Variants in ZBTB20 observed in about 807,000 individuals in gnomAD.
ZBTB20 encodes the protein zinc finger and BTB domain-containing protein 20.
A neutral mutation model predicts 56.9 loss-of-function variants in ZBTB20; 9 were observed. The ratio of observed to expected loss-of-function variants is 0.16; its 90% confidence interval spans 0.10 to 0.28. The LOEUF (loss-of-function observed/expected upper bound fraction) is 0.28. Among genes scored for constraint, ZBTB20 ranks in the 10% least tolerant of loss-of-function variants. The pLI is 1.00. For missense variants in ZBTB20, 655 were observed against 1,003.0 expected (o/e 0.65, Z 4.69); for synonymous variants, 417 against 420.7 (o/e 0.99, Z 0.11).
In ZBTB20 at chr3:114,653,187, A is replaced by T. The variant is rs938343650; in HGVS notation, c.-295+40341T>A. ...TAGAACAACGCTGAACAGAAGTAGT[A>T]AGAATATATATCTTTGCCTTCTACT... On this transcript the variant is annotated intron_variant, in intron 6 of 11. Coordinates refer to ENST00000675478, the MANE Select transcript of ZBTB20 (RefSeq NM_001348800.3). Among the ~76,000 whole-genome samples the T allele has an allele frequency of 2.0e-5, 3 of 151,994 alleles. No homozygotes were observed. The East Asian group carries it at 5.8e-4, about 29-fold the overall frequency.
intron 1 of ZBTB20, among the ~76,000 whole-genome samples, chr3:115,131,924 A>G (rs2084517644): frequency 1.3e-5 from 2 of 152,288 alleles, no homozygotes; most frequent in African/African-American, 4.8e-5. Flanking sequence ...TGCCTAGGCC[A>G]TGACCATGTT....
chr3:114,331,632 T>G lies in ZBTB20; in HGVS notation c.*7373A>C, dbSNP rs1390402777. 6.6e-6 allele frequency: 1 copy of G among 152,216 alleles called. No individual in the cohort carries two copies. Among genetic ancestry groups the G allele is most frequent in the South Asian group, 2.1e-4 (1 of 4,834 alleles). 9.4% of individuals were successfully genotyped at this position (152,216 alleles called of 1,614,324 possible). A position where few individuals can be genotyped will look rare whatever the true frequency, so the allele number is the denominator to read the frequency against. On this transcript the variant is annotated 3_prime_UTR_variant, in exon 12 of 12. Transcript: ENST00000675478. ...CAATAGAACTGTAGAGTTTGTTAAATGCACTCTACTCCACATAAGCATATT... is the reference window on the plus strand; with the variant it reads ...CAATAGAACTGTAGAGTTTGTTAAAGGCACTCTACTCCACATAAGCATATT...
At chr3:114,574,571 T>C (rs188609337) in intron 6 of ZBTB20, among the ~76,000 whole-genome samples, 74 of 152,332 alleles carry the variant, frequency 4.9e-4, no homozygotes, top group Non-Finnish European at 7.6e-4. Context: ...CCATTCTATT[T>C]GACTGAACAT....
chr3:114,734,185 AT>A (rs1220080893), intron 5 of ZBTB20, among the ~76,000 whole-genome samples: 22 of 151,772 alleles, frequency 1.4e-4, no homozygotes, highest in Non-Finnish European at 2.1e-4. Context: ...AAATAAAAAA[AT>A]AAATACATAT....
At chr3:114,893,029 C>T (rs1309579520) in intron 4 of ZBTB20, among the ~76,000 whole-genome samples, 1 of 152,222 alleles carries the variant, frequency 6.6e-6, no homozygotes, top group Non-Finnish European at 1.5e-5. Flanking sequence ...GAGAACATTT[C>T]CCAAATCATT....
intron 3 of ZBTB20, among the ~76,000 whole-genome samples, chr3:114,925,300 TTTC>T (rs1462597152): frequency 2.0e-5 from 3 of 151,662 alleles, no homozygotes; most frequent in Admixed American, 6.6e-5. Context: ...CTTTTAATAA[TTTC>T]TTATTTCTCT....
In ZBTB20 at chr3:114,325,954, G is replaced by A. The variant is rs1250409417; in HGVS notation, c.*13051C>T. On this transcript the variant is annotated 3_prime_UTR_variant, in exon 12 of 12. Transcript: ENST00000675478. ...ATGGGTGAAGTACTGGCAATGCAGT[G>A]CCAATCTCCCTCTGTTACTGTTCCC... 6.6e-6 allele frequency: 1 copy of A among 152,052 alleles called. No individual in the cohort carries two copies. Among genetic ancestry groups the A allele is most frequent in the East Asian group, 1.9e-4 (1 of 5,186 alleles). The allele number at this position is 152,052 out of a possible 1,614,324, so 9.4% of individuals were successfully genotyped here. A position where few individuals can be genotyped will look rare whatever the true frequency, so the allele number is the denominator to read the frequency against.
At chr3:115,107,066 T>C (rs1372210692) in intron 1 of ZBTB20, among the ~76,000 whole-genome samples, 2 of 152,220 alleles carry the variant, frequency 1.3e-5, no homozygotes, top group African/African-American at 4.8e-5. Context: ...CTTAAGATCT[T>C]GTGACAAACA....
intron 3 of ZBTB20, among the ~76,000 whole-genome samples, chr3:114,932,185 T>G (rs1358290978): frequency 6.6e-6 from 1 of 152,212 alleles, no homozygotes; most frequent in East Asian, 1.9e-4. Flanking sequence ...CACCTCCTCT[T>G]CAGATGTAGG....
intron 2 of ZBTB20, among the ~76,000 whole-genome samples, chr3:115,055,414 G>A (rs757164318): frequency 6.6e-6 from 1 of 152,014 alleles, no homozygotes; most frequent in Non-Finnish European, 1.5e-5. Context: ...ACCTACAAGA[G>A]GCTCTGAACT....
chr3:114,458,740 T>TA (rs1052531343), intron 7 of ZBTB20, among the ~76,000 whole-genome samples: 2 of 151,770 alleles, frequency 1.3e-5, no homozygotes, highest in African/African-American at 2.4e-5. Flanking sequence ...TTTTTTTTTT[T>TA]ATCTCCAAAC....
Position 114,590,841 on chromosome 3 carries a change from A to C in ZBTB20, c.-294-90450T>G, listed in dbSNP as rs1392258562. On this transcript the variant is annotated intron_variant, in intron 6 of 11. Coordinates refer to ENST00000675478, the MANE Select transcript of ZBTB20 (RefSeq NM_001348800.3). The stretch of plus-strand genomic sequence containing the variant: ...CTTCCCTTCTCGCTGACACATGCAG[A>C]CCATTCCAGAAAGATATGACTCTAT... 2.6e-5 allele frequency among the ~76,000 whole-genome samples: 4 copies of C among 152,202 alleles called. No individual in the cohort carries two copies. In the East Asian group the frequency reaches 7.7e-4, roughly 29 times the overall value.
At chr3:114,956,800 T>C (rs1445347447) in intron 3 of ZBTB20, among the ~76,000 whole-genome samples, 1 of 152,196 alleles carries the variant, frequency 6.6e-6, no homozygotes, top group Non-Finnish European at 1.5e-5. Flanking sequence ...TACCAAATCA[T>C]TATCGAACAG....
intron 7 of ZBTB20, among the ~76,000 whole-genome samples, chr3:114,450,122 T>G (rs2091512458): frequency 6.6e-6 from 1 of 152,172 alleles, no homozygotes; most frequent in African/African-American, 2.4e-5. Flanking sequence ...CTTTTTCCCT[T>G]CTGGAAAACT....
At chr3:114,581,422 G>C (rs892384431) in intron 6 of ZBTB20, among the ~76,000 whole-genome samples, 11 of 151,974 alleles carry the variant, frequency 7.2e-5, no homozygotes, top group African/African-American at 2.2e-4. Flanking sequence ...GCCTAGTTGA[G>C]TTAATATTAA....
chr3:114,936,268 G>T (rs575408812), intron 3 of ZBTB20, among the ~76,000 whole-genome samples: 2 of 152,056 alleles, frequency 1.3e-5, no homozygotes, highest in East Asian at 3.9e-4. Context: ...ATGCACACAT[G>T]CATGCACGCA....
intron 3 of ZBTB20, among the ~76,000 whole-genome samples, chr3:114,912,963 T>C (rs1171717838): frequency 6.6e-6 from 1 of 152,062 alleles, no homozygotes; most frequent in Non-Finnish European, 1.5e-5. Flanking sequence ...TGGGCCATAT[T>C]TTCTTTATCC....
intron 6 of ZBTB20, among the ~76,000 whole-genome samples, chr3:114,589,347 G>A (rs929413947): frequency 6.6e-6 from 1 of 152,052 alleles, no homozygotes; most frequent in Non-Finnish European, 1.5e-5. Context: ...CACCCAACAT[G>A]ATTTAAATTC....
intron 5 of ZBTB20, among the ~76,000 whole-genome samples, chr3:114,787,273 C>T (rs2070569445): frequency 6.8e-6 from 1 of 147,350 alleles, no homozygotes; most frequent in Non-Finnish European, 1.5e-5. Context: ...CTAACCATAC[C>T]CAGCCATGAA....
Sources: allele counts gnomAD v4.1 joint callset (sites outside exome capture counted in the v4.1 genomes callset), GRCh38; gene constraint gnomAD v4.1.1; transcripts MANE v1.5; gene names NCBI Gene and HGNC (gene_info 2026-07-23, HGNC 2026-07-21).